C8B: variants seen among roughly 807,000 people sequenced by gnomAD.
C8B encodes the protein complement C8 beta chain, also known as complement component C8 beta chain.
In C8B, 67 loss-of-function variants were observed where a neutral mutation model predicts 64.6. The ratio of observed to expected loss-of-function variants is 1.04; its 90% CI spans 0.85 to 1.27. C8B has a LOEUF of 1.27. Among genes scored for constraint, C8B ranks in the 50% most tolerant of loss-of-function variants. C8B has a pLI of 0.00. For synonymous variants in C8B, 284 were observed against 257.7 expected, an observed-to-expected ratio of 1.10 and a Z score of -0.98; for missense variants, 790 against 725.2, an observed-to-expected ratio of 1.09 and a Z score of -1.03.
intron 5 of C8B, among the ~76,000 whole-genome samples, chr1:56,950,026 G>A (rs1557737268): frequency 1.3e-5 from 2 of 152,172 alleles, no homozygotes; most frequent in Non-Finnish European, 2.9e-5. Flanking sequence ...TGGGCTGTGG[G>A]CTCAGCTTAA....
At chr1:56,959,490 G>T in intron 2 of C8B, 1 of 1,199,814 alleles carries the variant, frequency 8.3e-7, no homozygotes, top group Non-Finnish European at 1.2e-6. Flanking sequence ...ATTGTGAGTA[G>T]GTGTTCACCA....
intron 9 of C8B, among the ~76,000 whole-genome samples, chr1:56,939,298 A>G (rs1315608233): frequency 6.6e-6 from 1 of 152,210 alleles, no homozygotes; most frequent in Non-Finnish European, 1.5e-5. Context: ...CCTGCAGCTC[A>G]GCTGATTTTA....
rs779205550 is a variant in C8B, at chr1:56,960,130, AG to A, written c.138del (p.Phe47LeufsTer14). The A allele has an allele frequency of 3.1e-6, 5 of 1,614,054 alleles. No individual in the cohort carries two copies. Among genetic ancestry groups the A allele is most frequent in the Admixed American group, 1.7e-5 (1 of 60,004 alleles). On this transcript the variant is annotated frameshift_variant, in exon 2 of 12. Coordinates refer to ENST00000371237, the MANE Select transcript of C8B (RefSeq NM_000066.4). LOFTEE classifies it high-confidence loss of function. Reference protein sequence around the residue: ...HSFGSNAVNKSFAKSRQMRSV... With the variant: ...HSFGSNAVNKXFAKSRQMRSV... ...CTCCGCATCTGTCTGCTCTTAGCAA[AG>A]CTCTTGTTGACTGCATTTGACCCAA...
chr1:56,934,164 C>CTTTTTTTTT (rs60467453), intron 9 of C8B, among the ~76,000 whole-genome samples: 1 of 143,418 alleles, frequency 7.0e-6, no homozygotes. Flanking sequence ...GTGCAGGGTC[C>CTTTTTTTTT]TTTTTTTTTT....
chr1:56,936,188 GA>G (rs932520474), intron 9 of C8B, among the ~76,000 whole-genome samples: 3 of 152,168 alleles, frequency 2.0e-5, no homozygotes, highest in Admixed American at 1.3e-4. Flanking sequence ...GTTGTTGGAT[GA>G]AAAGCTATAA....
chr1:56,963,994 C>G, intron 1 of C8B: 2 of 985,348 alleles, frequency 2.0e-6, no homozygotes, highest in Non-Finnish European at 2.4e-6. Flanking sequence ...ATTCAAATAC[C>G]TGTCGTGTTC....
rs910014671 is a variant in C8B at position 56,945,912 on chromosome 1, A to T, written c.1014T>A (p.Arg338=). ...YSYGEYRDLF[R]DFGTHYITEA... ...CTGTGATGTAGTGGGTCCCAAAATC[A>T]CGGAAGAGATCTCTGTATTCCCCGT... is the stretch of plus-strand genomic sequence containing the variant. The change falls in exon 7 of 12, where the codon CGT becomes CGA. Residue 338 remains arginine, a synonymous_variant. Transcript: ENST00000371237. The T allele has an allele frequency of 1.9e-6, 3 of 1,614,114 alleles. No homozygotes were observed. Among genetic ancestry groups the T allele is most frequent in the Non-Finnish European group, 2.5e-6 (3 of 1,180,004 alleles).
chr1:56,958,394 G>A (rs1645131152), intron 2 of C8B, among the ~76,000 whole-genome samples: 1 of 152,102 alleles, frequency 6.6e-6, no homozygotes, highest in African/African-American at 2.4e-5. Context: ...AAAAAGAAAT[G>A]TAGATAACCA....
intron 2 of C8B, 31 bp from the exon 3 acceptor site, chr1:56,956,941 G>A (rs753802566): frequency 2.5e-5 from 40 of 1,613,412 alleles, no homozygotes; most frequent in Non-Finnish European, 3.2e-5. Context: ...GTGAACCAAG[G>A]GTAAAGCCTT....
At position 56,929,279 on chromosome 1, in the gene C8B, G is replaced by C; in HGVS notation, c.*125C>G. The C allele has an allele frequency of 1.1e-6, 1 of 943,968 alleles. No homozygotes were observed. The highest frequency in any genetic ancestry group is 1.7e-6 in the Non-Finnish European group (1 of 574,446). 58.5% of individuals were successfully genotyped at this position (943,968 alleles called of 1,614,324 possible). ...CAAGGTAACATCTTTATTTTAAACA[G>C]CTTGCATGGCACTGCCTTTTGCCCT... On this transcript the variant is annotated 3_prime_UTR_variant, in exon 12 of 12. Transcript: ENST00000371237.
At chr1:56,929,798 C>T (rs1041099340) in intron 11 of C8B, among the ~76,000 whole-genome samples, 1 of 152,182 alleles carries the variant, frequency 6.6e-6, no homozygotes, top group Non-Finnish European at 1.5e-5. Context: ...CAATCCAATT[C>T]ACCCCTCGGA....
chr1:56,935,852 C>T (rs1485481107), intron 9 of C8B, among the ~76,000 whole-genome samples: 1 of 152,150 alleles, frequency 6.6e-6, no homozygotes, highest in Non-Finnish European at 1.5e-5. Flanking sequence ...TGGACCTATC[C>T]AAGGGATGAA....
rs1644732551 is a variant in C8B at position 56,933,496 on chromosome 1, G to A, written c.1399-8C>T. ...TTCATACAGAGGCTCCACCTGGAAA[G>A]GGAAAAGGGCATTTATTTCAAGAGA... On this transcript the variant is annotated splice_region_variant and splice_polypyrimidine_tract_variant and intron_variant, in intron 9 of 11. Coordinates refer to ENST00000371237, the MANE Select transcript of C8B (RefSeq NM_000066.4). 6.2e-7 allele frequency: 1 copy of A among 1,612,432 alleles called. No individual in the cohort carries two copies. Among genetic ancestry groups the A allele is most frequent in the South Asian group, 1.1e-5 (1 of 91,052 alleles).
At chr1:56,954,495 C>T (rs978465614) in intron 4 of C8B, among the ~76,000 whole-genome samples, 191 bp downstream of exon 4, 4 of 152,206 alleles carry the variant, frequency 2.6e-5, no homozygotes, top group African/African-American at 9.6e-5. Context: ...TATATCTGTC[C>T]ATGGGACGTG....
chr1:56,956,063 T>C (rs747270602), intron 3 of C8B, among the ~76,000 whole-genome samples: 48 of 152,182 alleles, frequency 3.2e-4, no homozygotes, highest in Admixed American at 5.9e-4. Flanking sequence ...TTTCTTCCTT[T>C]TAATAAACAA....
At chr1:56,948,495 G>A (rs187750305) in intron 6 of C8B, among the ~76,000 whole-genome samples, 28 of 152,190 alleles carry the variant, frequency 1.8e-4, no homozygotes, top group African/African-American at 6.5e-4. Context: ...TGGAGTGTCA[G>A]CACAATGCCC....
chr1:56,936,279 A>G (rs750347273), intron 9 of C8B, among the ~76,000 whole-genome samples: 6 of 152,230 alleles, frequency 3.9e-5, no homozygotes, highest in Non-Finnish European at 7.3e-5. Flanking sequence ...ATTCTATTTG[A>G]CAAAAATATC....
At chr1:56,965,283 A>G (rs1645237063) in intron 1 of C8B, among the ~76,000 whole-genome samples, 1 of 152,030 alleles carries the variant, frequency 6.6e-6, no homozygotes, top group Non-Finnish European at 1.5e-5. Context: ...TCCCACTAGG[A>G]TATTTTCTTT....
intron 11 of C8B, 181 bp downstream of exon 11, chr1:56,931,629 C>T: frequency 1.7e-6 from 1 of 596,286 alleles, no homozygotes; most frequent in Non-Finnish European, 3.1e-6. Flanking sequence ...TAATGAAATG[C>T]ATAACAATCA....
Sources: allele counts gnomAD v4.1 joint callset (sites outside exome capture counted in the v4.1 genomes callset), GRCh38; gene constraint gnomAD v4.1.1; transcripts MANE v1.5; gene names NCBI Gene and HGNC (gene_info 2026-07-23, HGNC 2026-07-21).